The following STRADA variants were observed in gnomAD, a reference collection of about 807,000 sequenced individuals.
STRADA encodes the protein STE20-related kinase adapter protein alpha.
Under a neutral mutation model 55.0 loss-of-function variants are expected in STRADA, and 26 were observed. The ratio of observed to expected loss-of-function variants is 0.47; its 90% CI spans 0.35 to 0.66. The LOEUF (loss-of-function observed/expected upper bound fraction) is 0.66. Among genes scored for constraint, STRADA ranks in the 30% least tolerant of loss-of-function variants. STRADA has a pLI of 0.01. For missense variants in STRADA, 443 were observed against 549.7 expected (o/e 0.81, Z 1.94); for synonymous variants, 197 against 210.9 (o/e 0.93, Z 0.57).
At position 63,704,349 on chromosome 17, in the gene STRADA, C is replaced by T. The variant is rs768049874; in HGVS notation, c.1092G>A (p.Pro364=). The T allele has an allele frequency of 1.6e-5, 26 of 1,611,674 alleles. No individual in the cohort carries two copies. Among genetic ancestry groups the T allele is most frequent in the East Asian group, 1.3e-4 (6 of 44,790 alleles). The change falls in exon 11 of 13, where the codon CCG becomes CCA. Residue 364 remains proline, a synonymous_variant. Coordinates refer to ENST00000336174, the MANE Select transcript of STRADA (RefSeq NM_001003787.4). ...CAGGCCAGCAGGGATACCTGGCATC[C>T]GGGTTGCGCTGAAGGCACTGCTCCA... ...HFVEQCLQRN[P]DARPSASTLL... is the part of the protein sequence containing the mutation.
intron 4 of STRADA, chr17:63,716,975 G>C (rs1201330796): frequency 1.3e-5 from 2 of 152,328 alleles, no homozygotes; most frequent in Non-Finnish European, 2.9e-5. Flanking sequence ...AAGTCACTCT[G>C]ATCTCTTGGG....
intron 3 of STRADA, chr17:63,726,118 G>C (rs1313740664): frequency 6.6e-6 from 1 of 152,254 alleles, no homozygotes; most frequent in African/African-American, 2.4e-5. Flanking sequence ...CTTTGAAAAT[G>C]GCCAAAGGGT....
In STRADA at chr17:63,706,722, A is replaced by G. The variant is rs779181385; in HGVS notation, c.771T>C (p.Asp257=). ...CCACACTGTAGATGTCAGACTTGGC[A>G]TCATAACCCTGGAGATTCTAAGCCA... is the stretch of plus-strand genomic sequence containing the variant. ...EVLQQNLQGY[D]AKSDIYSVGI... The change falls in exon 10 of 13, where the codon GAT becomes GAC. Residue 257 remains aspartate, a synonymous_variant. Transcript: ENST00000336174. The G allele has an allele frequency of 6.2e-7, 1 of 1,613,940 alleles. No individual in the cohort carries two copies.
chr17:63,723,012 T>C (rs921763012), intron 4 of STRADA, among the ~76,000 whole-genome samples: 10 of 152,090 alleles, frequency 6.6e-5, no homozygotes, highest in African/African-American at 2.4e-4. Flanking sequence ...ACTTACTTTT[T>C]TGGGGGAAGG....
intron 2 of STRADA, chr17:63,727,526 A>G (rs2037741717): frequency 6.6e-6 from 1 of 152,224 alleles, no homozygotes; most frequent in Non-Finnish European, 1.5e-5. Flanking sequence ...CATTAGAAAA[A>G]AGATTAAGTA....
At chr17:63,703,836 C>A in intron 12 of STRADA, 85 bp from the exon 13 acceptor site, 15 of 1,609,012 alleles carry the variant, frequency 9.3e-6, no homozygotes, top group Non-Finnish European at 1.3e-5. Flanking sequence ...GGCCTGGTGG[C>A]AGACGGGCTG....
intron 4 of STRADA, chr17:63,716,941 A>C (rs534209835): frequency 2.6e-5 from 4 of 152,242 alleles, no homozygotes; most frequent in Non-Finnish European, 5.9e-5. Flanking sequence ...ACTCAGGTCT[A>C]TTACTGGTTC....
chr17:63,703,572 T>G lies in STRADA; in HGVS notation c.*27A>C. 6.2e-7 allele frequency: 1 copy of G among 1,602,172 alleles called. No homozygotes were observed. Among genetic ancestry groups the G allele is most frequent in the Non-Finnish European group, 8.5e-7 (1 of 1,172,918 alleles). On this transcript the variant is annotated 3_prime_UTR_variant, in exon 13 of 13. Transcript: ENST00000336174. The stretch of plus-strand genomic sequence containing the variant: ...TCTGGGTGGCCTCTGCATCCCTGGC[T>G]GGAGAATGCGCACAGTTTGCAGAGG...
At position 63,729,176 on chromosome 17, in the gene STRADA, C is replaced by T. The variant is rs563546305; in HGVS notation, c.-44-763G>A. 4.6e-5 allele frequency among the ~76,000 whole-genome samples: 7 copies of T among 152,272 alleles called. No homozygotes were observed. In the South Asian group the frequency reaches 1.4e-3, roughly 32 times the overall value. On this transcript the variant is annotated intron_variant, in intron 1 of 12. Coordinates refer to ENST00000336174, the MANE Select transcript of STRADA (RefSeq NM_001003787.4). The stretch of plus-strand genomic sequence containing the variant: ...GGGGGTTACCACGTGAGCCACCATG[C>T]ACAGTGTTATCCTGCTTTTTAATAA...
intron 10 of STRADA, chr17:63,704,807 T>C: frequency 6.5e-7 from 1 of 1,534,980 alleles, no homozygotes; most frequent in Non-Finnish European, 8.7e-7. Context: ...GGAGAGGGGT[T>C]GCACAAAAGT....
intron 11 of STRADA, 26 bp from the exon 12 acceptor site, chr17:63,704,073 G>A (rs183469596): frequency 8.7e-6 from 14 of 1,609,786 alleles, no homozygotes; most frequent in African/African-American, 2.7e-5. Context: ...AGGAGAGACC[G>A]CAGCATCACT....
intron 1 of STRADA, among the ~76,000 whole-genome samples, chr17:63,730,397 C>CTT (rs551513709): frequency 6.4e-5 from 9 of 139,904 alleles, no homozygotes; most frequent in Middle Eastern, 3.6e-3. Context: ...ACTTAGTTGA[C>CTT]TTTTTTTTTT....
chr17:63,732,606 G>C (rs561979897), intron 1 of STRADA, among the ~76,000 whole-genome samples: 10 of 152,236 alleles, frequency 6.6e-5, no homozygotes, highest in African/African-American at 2.4e-4. Flanking sequence ...GACCAGTGTG[G>C]GCAACATGGC....
rs533082115 is a variant in STRADA at position 63,738,481 on chromosome 17, C to T, written c.-45+3260G>A. 9.9e-5 allele frequency among the ~76,000 whole-genome samples: 15 copies of T among 152,222 alleles called. No individual in the cohort carries two copies. In the South Asian group the frequency reaches 2.7e-3, roughly 27 times the overall value. On this transcript the variant is annotated intron_variant, in intron 1 of 12. Coordinates refer to ENST00000336174, the MANE Select transcript of STRADA (RefSeq NM_001003787.4). ...AGGAGAAGCTTCACTAGTCATTTCT[C>T]TGTCTCTCCTGTCAGTGGAAAGTCT...
chr17:63,703,532 C>T lies in STRADA; in HGVS notation c.*67G>A. Reference sequence around the variant, plus strand: ...CCCAGGAGGGCGGGAATGTGGCCGGCCCTCAGGAAGGGCCTCTGGGTGGCC... The same window carrying T: ...CCCAGGAGGGCGGGAATGTGGCCGGTCCTCAGGAAGGGCCTCTGGGTGGCC... On this transcript the variant is annotated 3_prime_UTR_variant, in exon 13 of 13. Transcript: ENST00000336174. The T allele has an allele frequency of 6.8e-7, 1 of 1,478,900 alleles. No homozygotes were observed. Among genetic ancestry groups the T allele is most frequent in the South Asian group, 1.3e-5 (1 of 79,400 alleles). 91.6% of individuals were successfully genotyped at this position (1,478,900 alleles called of 1,614,324 possible).
Position 63,703,542 on chromosome 17 carries a change from G to T in STRADA, c.*57C>A. On this transcript the variant is annotated 3_prime_UTR_variant, in exon 13 of 13. Coordinates refer to ENST00000336174, the MANE Select transcript of STRADA (RefSeq NM_001003787.4). Reference sequence around the variant, plus strand: ...CGGGAATGTGGCCGGCCCTCAGGAAGGGCCTCTGGGTGGCCTCTGCATCCC... The same window carrying T: ...CGGGAATGTGGCCGGCCCTCAGGAATGGCCTCTGGGTGGCCTCTGCATCCC... 1 of 1,527,916 alleles carries T rather than the reference G, an allele frequency of 6.5e-7. No homozygotes were observed. Among genetic ancestry groups the T allele is most frequent in the African/African-American group, 1.4e-5 (1 of 72,570 alleles). 94.6% of individuals were successfully genotyped at this position (1,527,916 alleles called of 1,614,324 possible). A position where few individuals can be genotyped will look rare whatever the true frequency, so the allele number is the denominator to read the frequency against.
At chr17:63,709,726 C>T (rs1376527673) in intron 8 of STRADA, among the ~76,000 whole-genome samples, 1 of 152,176 alleles carries the variant, frequency 6.6e-6, no homozygotes, top group Admixed American at 6.5e-5. Context: ...AATCCAGCTG[C>T]AGTCCTTCTC....
intron 4 of STRADA, among the ~76,000 whole-genome samples, chr17:63,720,021 C>A (rs929683925): frequency 6.6e-5 from 10 of 151,390 alleles, no homozygotes; most frequent in Admixed American, 1.3e-4. Context: ...AAATAAAATT[C>A]TTTTTCTTTT....
chr17:63,726,856 C>T, intron 2 of STRADA, 161 bp from the exon 3 acceptor site: 1 of 651,384 alleles, frequency 1.5e-6, no homozygotes, highest in Non-Finnish European at 2.6e-6. Context: ...GAATCTTGAA[C>T]TAAAAACAAG....
Sources: allele counts gnomAD v4.1 joint callset (sites outside exome capture counted in the v4.1 genomes callset), GRCh38; gene constraint gnomAD v4.1.1; transcripts MANE v1.5; gene names NCBI Gene and HGNC (gene_info 2026-07-23, HGNC 2026-07-21).